SLC44A1: variants seen among roughly 807,000 people sequenced by gnomAD.
SLC44A1 encodes the protein solute carrier family 44 member 1, also known as choline transporter-like protein 1.
Under a neutral mutation model 79.3 loss-of-function variants are expected in SLC44A1, and 26 were observed. The ratio of observed to expected loss-of-function variants is 0.33; its 90% CI spans 0.24 to 0.46. SLC44A1 has a LOEUF of 0.46. Ranked by LOEUF, SLC44A1 falls within the 20% of genes least tolerant of loss-of-function variation. SLC44A1 has a pLI of 1.00. For missense variants in SLC44A1, 688 were observed against 798.1 expected (o/e 0.86, Z 1.66); for synonymous variants, 263 against 286.2 (o/e 0.92, Z 0.82).
At chr9:105,299,759 G>A (rs1830826405) in intron 2 of SLC44A1, 1 of 986,634 alleles carries the variant, frequency 1.0e-6, no homozygotes, top group Non-Finnish European at 1.2e-6. Context: ...GCTGCCTTCT[G>A]TGTCTGCTGT....
chr9:105,265,953 CTT>C lies in SLC44A1; in HGVS notation c.36+21051_36+21052del, dbSNP rs1307345631. Among the ~76,000 whole-genome samples, 1,223 of 142,736 alleles carry C rather than the reference CTT, an allele frequency of 8.6e-3. 11 individuals are homozygous for C. Among genetic ancestry groups the C allele is most frequent in the African/African-American group, 0.035 (1,158 of 32,782 alleles). 93.6% of individuals were successfully genotyped at this position (142,736 alleles called of 152,430 possible). On this transcript the variant is annotated intron_variant, in intron 1 of 15. Coordinates refer to ENST00000374720, the MANE Select transcript of SLC44A1 (RefSeq NM_080546.5). ...TTTCGAATTATTGCTCTCTCTCTCT[CTT>C]TCTCTGTGTGTGTGTGTTAAGAGAC...
chr9:105,245,858 A>G (rs948808778), intron 1 of SLC44A1, among the ~76,000 whole-genome samples: 1 of 152,208 alleles, frequency 6.6e-6, no homozygotes, highest in Admixed American at 6.5e-5. Flanking sequence ...ATCAAATGTA[A>G]TAGAACTCGA....
At chr9:105,429,804 T>G (rs896929051) in intron 15 of SLC44A1, among the ~76,000 whole-genome samples, 1 of 147,460 alleles carries the variant, frequency 6.8e-6, no homozygotes, top group Non-Finnish European at 1.5e-5. Context: ...TTTCAAGGTA[T>G]GCAGAAATTT....
At chr9:105,363,891 A>G (rs1457394142) in intron 9 of SLC44A1, among the ~76,000 whole-genome samples, 1 of 152,230 alleles carries the variant, frequency 6.6e-6, no homozygotes, top group Non-Finnish European at 1.5e-5. Flanking sequence ...AGACATTTAG[A>G]TTCATTCTAA....
chr9:105,394,631 T>C lies in SLC44A1; in HGVS notation c.*5575T>C, dbSNP rs754529498. 243 of 985,174 alleles carry C rather than the reference T, an allele frequency of 2.5e-4. No individual in the cohort carries two copies. Among genetic ancestry groups the C allele is most frequent in the Non-Finnish European group, 2.9e-4 (238 of 829,868 alleles). The allele number at this position is 985,174 out of a possible 1,614,324, so 61.0% of individuals were successfully genotyped here. A position where few individuals can be genotyped will look rare whatever the true frequency, so the allele number is the denominator to read the frequency against. On this transcript the variant is annotated 3_prime_UTR_variant, in exon 16 of 16. Transcript: ENST00000374720. ...GACATTATGACATTATGTGGCTTAGTGTTATCAGTATACTACTGTCTTAAA... is the reference window on the plus strand; with the variant it reads ...GACATTATGACATTATGTGGCTTAGCGTTATCAGTATACTACTGTCTTAAA...
chr9:105,251,991 C>T (rs1202881872), intron 1 of SLC44A1, among the ~76,000 whole-genome samples: 6 of 152,108 alleles, frequency 3.9e-5, no homozygotes, highest in South Asian at 2.1e-4. Flanking sequence ...TTATGGCTTA[C>T]GAGCTAAGAA....
intron 3 of SLC44A1, among the ~76,000 whole-genome samples, chr9:105,312,266 C>G (rs1831201553): frequency 6.6e-6 from 1 of 152,206 alleles, no homozygotes; most frequent in Non-Finnish European, 1.5e-5. Flanking sequence ...CATCCTTCGG[C>G]TCTCAGCATA....
intron 15 of SLC44A1, among the ~76,000 whole-genome samples, chr9:105,414,771 G>A (rs1365697453): frequency 6.6e-6 from 1 of 152,010 alleles, no homozygotes; most frequent in South Asian, 2.1e-4. Context: ...AATAGCCACT[G>A]CACTCCAGCC....
chr9:105,314,737 A>C (rs942581232), intron 3 of SLC44A1, among the ~76,000 whole-genome samples: 1 of 152,186 alleles, frequency 6.6e-6, no homozygotes, highest in African/African-American at 2.4e-5. Context: ...AGTAAAATCT[A>C]TAGGGGGTGC....
chr9:105,350,109 G>A (rs1291937606), intron 5 of SLC44A1, among the ~76,000 whole-genome samples: 1 of 152,170 alleles, frequency 6.6e-6, no homozygotes, highest in African/African-American at 2.4e-5. Flanking sequence ...CTAAAATGCA[G>A]TGCTGAACCT....
At chr9:105,295,545 ACT>A (rs2131280584) in intron 1 of SLC44A1, among the ~76,000 whole-genome samples, 1 of 152,258 alleles carries the variant, frequency 6.6e-6, no homozygotes, top group African/African-American at 2.4e-5. Context: ...AAAATTTTCA[ACT>A]CTTCGGTTTT....
intron 3 of SLC44A1, among the ~76,000 whole-genome samples, chr9:105,315,287 T>TA (rs1831292310): frequency 1.4e-5 from 2 of 147,954 alleles, no homozygotes; most frequent in South Asian, 4.2e-4. Flanking sequence ...TTTTTTTTTT[T>TA]ACCATTTGTA....
chr9:105,388,418 A>G (rs1294448281), intron 15 of SLC44A1, among the ~76,000 whole-genome samples: 1 of 152,188 alleles, frequency 6.6e-6, no homozygotes, highest in Non-Finnish European at 1.5e-5. Flanking sequence ...CATCATGCCT[A>G]TTTTGCATTA....
Position 105,394,033 on chromosome 9 carries a change from GA to G in SLC44A1, c.*4980del. On this transcript the variant is annotated 3_prime_UTR_variant, in exon 16 of 16. Coordinates refer to ENST00000374720, the MANE Select transcript of SLC44A1 (RefSeq NM_080546.5). ...AGACAATGGGTCTCTTTGAGCTTAA[GA>G]AAGCTATGGACTATCTTTCCTTCAA... 1.0e-6 allele frequency: 1 copy of G among 985,188 alleles called. No homozygotes were observed. The highest frequency in any genetic ancestry group is 1.2e-6 in the Non-Finnish European group (1 of 829,730). The allele number at this position is 985,188 out of a possible 1,614,324, so 61.0% of individuals were successfully genotyped here. A position where few individuals can be genotyped will look rare whatever the true frequency, so the allele number is the denominator to read the frequency against.
chr9:105,250,223 T>C (rs983878114), intron 1 of SLC44A1, among the ~76,000 whole-genome samples: 4 of 152,174 alleles, frequency 2.6e-5, no homozygotes, highest in African/African-American at 9.7e-5. Context: ...GATAAAATTT[T>C]GAATTAAGGA....
intron 1 of SLC44A1, among the ~76,000 whole-genome samples, chr9:105,295,108 A>G (rs1030560956): frequency 6.6e-6 from 1 of 152,198 alleles, no homozygotes; most frequent in African/African-American, 2.4e-5. Flanking sequence ...GGTTTCAGAC[A>G]TAGATTTTCC....
intron 3 of SLC44A1, among the ~76,000 whole-genome samples, chr9:105,320,584 A>AT (rs1259514989): frequency 6.6e-6 from 1 of 151,394 alleles, no homozygotes; most frequent in African/African-American, 2.4e-5. Context: ...ATTTTATTTT[A>AT]TTTTTTTTAG....
intron 1 of SLC44A1, among the ~76,000 whole-genome samples, chr9:105,248,112 TGC>T (rs1349820945): frequency 6.6e-6 from 1 of 152,240 alleles, no homozygotes; most frequent in African/African-American, 2.4e-5. Flanking sequence ...GAAAACAGTG[TGC>T]TTTGAGGTAA....
intron 1 of SLC44A1, among the ~76,000 whole-genome samples, chr9:105,275,852 T>G (rs529548671): frequency 1.3e-5 from 2 of 151,746 alleles, no homozygotes; most frequent in South Asian, 4.2e-4. Flanking sequence ...TCGCTCAGGC[T>G]GGAGTGCAGT....
Sources: allele counts gnomAD v4.1 joint callset (sites outside exome capture counted in the v4.1 genomes callset), GRCh38; gene constraint gnomAD v4.1.1; transcripts MANE v1.5; gene names NCBI Gene and HGNC (gene_info 2026-07-23, HGNC 2026-07-21).